TAF3: variants seen among roughly 807,000 people sequenced by gnomAD.
TAF3 encodes the protein transcription initiation factor TFIID subunit 3.
In TAF3, 7 loss-of-function variants were observed where a neutral mutation model predicts 80.6. That is an observed-to-expected ratio of 0.09 (90% CI 0.05 to 0.16). The LOEUF (loss-of-function observed/expected upper bound fraction) is 0.16. TAF3 is among the 10% of genes least tolerant of loss of function. The probability of loss-of-function intolerance (pLI) is 1.00; values close to 1 mark genes in which losing one functional copy is unlikely to be tolerated. For synonymous variants in TAF3, 444 were observed against 446.1 expected (o/e 1.00, Z 0.06); for missense variants, 921 against 1,140.2 (o/e 0.81, Z 2.77).
rs544473170 is a variant in TAF3 at position 7,961,026 on chromosome 10, G to A, written c.410-2894G>A. 4.6e-5 allele frequency among the ~76,000 whole-genome samples: 7 copies of A among 152,296 alleles called. No individual in the cohort carries two copies. In the South Asian group the frequency reaches 8.3e-4, roughly 18 times the overall value. Reference sequence around the variant, plus strand: ...TGAGGAACCACAAGCTCAGATTTGCGTGTTCGGAAGATCACCGTAAGACGA... The same window carrying A: ...TGAGGAACCACAAGCTCAGATTTGCATGTTCGGAAGATCACCGTAAGACGA... On this transcript the variant is annotated intron_variant, in intron 2 of 6. Transcript: ENST00000344293.
chr10:7,820,239 T>A (rs893586200), intron 1 of TAF3, among the ~76,000 whole-genome samples: 3 of 152,228 alleles, frequency 2.0e-5, no homozygotes, highest in Admixed American at 6.5e-5. Flanking sequence ...TTCATAATTC[T>A]GTGCATATTT....
chr10:7,944,540 T>G (rs1838006687), intron 2 of TAF3, among the ~76,000 whole-genome samples: 2 of 152,202 alleles, frequency 1.3e-5, no homozygotes, highest in South Asian at 4.1e-4. Context: ...ACATAGCAGG[T>G]CTAACTTTGT....
At chr10:7,978,837 G>C (rs1329332241) in intron 4 of TAF3, among the ~76,000 whole-genome samples, 1 of 152,188 alleles carries the variant, frequency 6.6e-6, no homozygotes, top group Non-Finnish European at 1.5e-5. Context: ...CTCCCACACA[G>C]AAGTTTGGCT....
At chr10:7,933,531 G>A (rs1282017325) in intron 2 of TAF3, among the ~76,000 whole-genome samples, 1 of 152,210 alleles carries the variant, frequency 6.6e-6, no homozygotes. Flanking sequence ...GAGTTTCTGT[G>A]CTGGGTTTCC....
intron 2 of TAF3, among the ~76,000 whole-genome samples, chr10:7,882,403 A>G (rs938233684): frequency 3.9e-5 from 6 of 152,338 alleles, no homozygotes; most frequent in South Asian, 2.1e-4. Flanking sequence ...ATTTTATAAC[A>G]GAGGAAATAA....
At chr10:7,865,978 G>T (rs140692959) in intron 2 of TAF3, among the ~76,000 whole-genome samples, 1 of 152,128 alleles carries the variant, frequency 6.6e-6, no homozygotes, top group African/African-American at 2.4e-5. Context: ...CACCATGTTC[G>T]GCACCTTGAC....
At chr10:7,864,144 GT>G (rs1837185733) in intron 2 of TAF3, among the ~76,000 whole-genome samples, 1 of 151,968 alleles carries the variant, frequency 6.6e-6, no homozygotes, top group Non-Finnish European at 1.5e-5. Context: ...CATTCTCTGT[GT>G]TTTGACAAAT....
intron 3 of TAF3, among the ~76,000 whole-genome samples, chr10:7,972,742 G>C (rs1831632808): frequency 6.6e-6 from 1 of 152,022 alleles, no homozygotes; most frequent in Non-Finnish European, 1.5e-5. Flanking sequence ...ACCATTTCTT[G>C]ATTCCTTTGT....
At chr10:7,914,371 C>G (rs265935) in intron 2 of TAF3, among the ~76,000 whole-genome samples, 147,900 of 152,354 alleles carry the variant, frequency 0.97, 71,961 homozygotes, top group South Asian at 1. Context: ...TGTTTTCCCC[C>G]TCCTATTTCA....
Position 7,818,591 on chromosome 10 carries a change from C to T in TAF3, c.-119C>T, listed in dbSNP as rs1836654357. The T allele has an allele frequency of 2.1e-5, 25 of 1,194,274 alleles. No individual in the cohort carries two copies. The highest frequency in any genetic ancestry group is 2.7e-5 in the Non-Finnish European group (24 of 898,380). The allele number at this position is 1,194,274 out of a possible 1,614,324, so 74.0% of individuals were successfully genotyped here. A position where few individuals can be genotyped will look rare whatever the true frequency, so the allele number is the denominator to read the frequency against. On this transcript the variant is annotated 5_prime_UTR_variant, in exon 1 of 7. Coordinates refer to ENST00000344293, the MANE Select transcript of TAF3 (RefSeq NM_031923.4). Reference sequence around the variant, plus strand: ...GGCTTTGAGGTGGTCGCCGGGGGTCCGGGGGACCCTTTCCCCGCCGCGGAA... The same window carrying T: ...GGCTTTGAGGTGGTCGCCGGGGGTCTGGGGGACCCTTTCCCCGCCGCGGAA...
chr10:7,857,100 A>G (rs1837088605), intron 2 of TAF3, among the ~76,000 whole-genome samples: 1 of 152,186 alleles, frequency 6.6e-6, no homozygotes, highest in African/African-American at 2.4e-5. Flanking sequence ...GTTGGTTGAT[A>G]TTTTCCTTTA....
chr10:7,996,170 G>T (rs1831885342), intron 4 of TAF3, among the ~76,000 whole-genome samples: 1 of 152,142 alleles, frequency 6.6e-6, no homozygotes, highest in Non-Finnish European at 1.5e-5. Context: ...TGGGGATTTG[G>T]GTGGTTCTGG....
chr10:7,829,634 T>G (rs1798516064), intron 2 of TAF3, among the ~76,000 whole-genome samples: 1 of 152,238 alleles, frequency 6.6e-6, no homozygotes, highest in Admixed American at 6.5e-5. Context: ...TTTTATGACA[T>G]CATATCAAAG....
At chr10:7,893,026 A>G (rs4749329) in intron 2 of TAF3, among the ~76,000 whole-genome samples, 89,275 of 151,668 alleles carry the variant, frequency 0.59, 27,348 homozygotes, top group East Asian at 0.72. Context: ...CTCCATGTTG[A>G]TCAGGCTGGT....
intron 5 of TAF3, among the ~76,000 whole-genome samples, chr10:8,010,862 C>G (rs541114690): frequency 1.3e-5 from 2 of 152,032 alleles, no homozygotes; most frequent in Non-Finnish European, 2.9e-5. Context: ...GAGCCAAGAT[C>G]GTACCACTGC....
intron 3 of TAF3, among the ~76,000 whole-genome samples, chr10:7,967,733 G>A (rs1831586869): frequency 6.6e-6 from 1 of 152,172 alleles, no homozygotes; most frequent in Admixed American, 6.5e-5. Flanking sequence ...ACGCATAAAT[G>A]TCAGTAGATG....
At chr10:7,898,545 CA>C (rs35137273) in intron 2 of TAF3, among the ~76,000 whole-genome samples, 30,103 of 93,896 alleles carry the variant, frequency 0.32, 3,279 homozygotes, top group Admixed American at 0.38. Flanking sequence ...GACTCTGTCT[CA>C]AAAAAAAAAA....
intron 2 of TAF3, among the ~76,000 whole-genome samples, chr10:7,931,811 A>G (rs1388515934): frequency 6.6e-6 from 1 of 152,206 alleles, no homozygotes; most frequent in Non-Finnish European, 1.5e-5. Context: ...AAAGGACTAG[A>G]TATACAAATG....
intron 2 of TAF3, among the ~76,000 whole-genome samples, chr10:7,871,563 C>T (rs533258641): frequency 1.4e-4 from 21 of 150,240 alleles, no homozygotes; most frequent in African/African-American, 5.1e-4. Flanking sequence ...GCTGCCTCAG[C>T]CTCACAAGTA....
Sources: allele counts gnomAD v4.1 joint callset (sites outside exome capture counted in the v4.1 genomes callset), GRCh38; gene constraint gnomAD v4.1.1; transcripts MANE v1.5; gene names NCBI Gene and HGNC (gene_info 2026-07-23, HGNC 2026-07-21).